PHF24: variants seen among roughly 807,000 people sequenced by gnomAD.
PHF24 encodes the protein Galpha inhibitory interacting protein.
Under a neutral mutation model 42.6 loss-of-function variants are expected in PHF24, and 25 were observed. The observed-to-expected ratio is 0.59, with a 90% CI of 0.43 to 0.82. PHF24 has a LOEUF of 0.82. Among genes scored for constraint, PHF24 ranks in the 40% least tolerant of loss-of-function variants. The pLI is 0.00. For missense variants in PHF24, 470 were observed against 538.1 expected (o/e 0.87, Z 1.25); for synonymous variants, 185 against 204.8 (o/e 0.90, Z 0.83).
chr9:34,893,228 C>A, the PHF24 span: 1 of 453,462 alleles, frequency 2.2e-6, no homozygotes, highest in Non-Finnish European at 3.9e-6. Context: ...CCGGGGTTGG[C>A]ATTGTCCTTT....
the PHF24 span, among the ~76,000 whole-genome samples, chr9:34,831,841 C>G: frequency 4.6e-5 from 7 of 152,068 alleles, no homozygotes; most frequent in Non-Finnish European, 1.0e-4. Context: ...ACAGCAGGCT[C>G]CAAGATGGAT....
At chr9:34,684,555 A>G in the PHF24 span, among the ~76,000 whole-genome samples, 1 of 152,156 alleles carries the variant, frequency 6.6e-6, no homozygotes, top group South Asian at 2.1e-4. Flanking sequence ...CTTGACATTA[A>G]TGGGTGTCCT....
At chr9:34,769,190 C>T in the PHF24 span, among the ~76,000 whole-genome samples, 4 of 152,192 alleles carry the variant, frequency 2.6e-5, no homozygotes, top group African/African-American at 9.7e-5. Flanking sequence ...AGTCTTGGCT[C>T]ACTGCAACTT....
chr9:34,919,000 C>A, the PHF24 span, among the ~76,000 whole-genome samples: 2 of 152,120 alleles, frequency 1.3e-5, no homozygotes, highest in Non-Finnish European at 2.9e-5. Context: ...AGTTTTCAAA[C>A]ATTTCACAAA....
the PHF24 span, among the ~76,000 whole-genome samples, chr9:34,949,314 GT>G: frequency 5.9e-5 from 9 of 152,116 alleles, no homozygotes; most frequent in African/African-American, 2.2e-4. Flanking sequence ...TCTCACGCCA[GT>G]TAGATTGGTG....
the PHF24 span, among the ~76,000 whole-genome samples, chr9:34,692,337 T>C: frequency 1.3e-5 from 2 of 152,194 alleles, no homozygotes; most frequent in Non-Finnish European, 2.9e-5. Flanking sequence ...TGCTTAACTT[T>C]CCCAAAACAA....
At chr9:34,917,868 T>G in the PHF24 span, 2 of 1,547,316 alleles carry the variant, frequency 1.3e-6, no homozygotes, top group Non-Finnish European at 1.8e-6. Flanking sequence ...GTGTGAAGAC[T>G]TTGGAGTGAT....
the PHF24 span, among the ~76,000 whole-genome samples, chr9:34,871,890 T>C: frequency 1.3e-5 from 2 of 152,208 alleles, no homozygotes; most frequent in Admixed American, 6.5e-5. Context: ...ATCTAAACTT[T>C]AGAAGCAATT....
chr9:34,728,949 T>A, the PHF24 span, among the ~76,000 whole-genome samples: 6 of 152,086 alleles, frequency 3.9e-5, no homozygotes, highest in Non-Finnish European at 7.4e-5. Context: ...GACAAAAGGG[T>A]AAATGGTTCT....
chr9:34,833,077 C>T, the PHF24 span: 1 of 1,519,236 alleles, frequency 6.6e-7, no homozygotes, highest in Non-Finnish European at 8.8e-7. Flanking sequence ...CAGGGCGTCT[C>T]TCTTCTCTGG....
At chr9:34,723,452 C>T in the PHF24 span, 1 of 1,551,810 alleles carries the variant, frequency 6.4e-7, no homozygotes, top group Non-Finnish European at 8.7e-7. Context: ...CGTCTTACTT[C>T]TCCCCACAGG....
chr9:34,937,034 GC>G, the PHF24 span, among the ~76,000 whole-genome samples: 10,362 of 134,552 alleles, frequency 0.077, 954 homozygotes, highest in African/African-American at 0.18. Flanking sequence ...GGGGGGGTCA[GC>G]CCCCCCCCCG....
chr9:34,784,375 T>C, the PHF24 span, among the ~76,000 whole-genome samples: 2 of 152,208 alleles, frequency 1.3e-5, no homozygotes, highest in African/African-American at 4.8e-5. Flanking sequence ...AGAATTTGCA[T>C]AATATATCTG....
the PHF24 span, among the ~76,000 whole-genome samples, chr9:34,761,738 C>A: frequency 5.5e-3 from 829 of 152,082 alleles, 3 homozygotes; most frequent in African/African-American, 0.019. Flanking sequence ...GGTACATGTG[C>A]ACAATGTGCA....
the PHF24 span, among the ~76,000 whole-genome samples, chr9:34,764,149 C>G: frequency 6.6e-6 from 1 of 150,500 alleles, no homozygotes; most frequent in Non-Finnish European, 1.5e-5. Flanking sequence ...GGATATTGAT[C>G]TAAAATTCTC....
At chr9:34,731,924 C>T in the PHF24 span, among the ~76,000 whole-genome samples, 1 of 152,062 alleles carries the variant, frequency 6.6e-6, no homozygotes, top group South Asian at 2.1e-4. Context: ...GATCATGGCT[C>T]ACTGGAGCCT....
At chr9:34,972,980 T>C (rs1827057725) in intron 3 of PHF24, among the ~76,000 whole-genome samples, 1 of 152,014 alleles carries the variant, frequency 6.6e-6, no homozygotes, top group East Asian at 1.9e-4. Context: ...GGATGGGGTT[T>C]CTCAACCTCA....
At chr9:34,799,235 T>C in the PHF24 span, among the ~76,000 whole-genome samples, 1 of 152,292 alleles carries the variant, frequency 6.6e-6, no homozygotes, top group East Asian at 1.9e-4. Context: ...ATAGGAATAT[T>C]CTGGGCACTT....
upstream of PHF24, among the ~76,000 whole-genome samples, chr9:34,953,528 C>T (rs1826306043): frequency 6.6e-6 from 1 of 152,148 alleles, no homozygotes; most frequent in South Asian, 2.1e-4. This position sits in a 1 kb window ranked among gnomAD's most constrained non-coding sequence, Gnocchi z 4.1. Flanking sequence ...GGGATTGTTG[C>T]AGTGAAGATA....
Sources: allele counts gnomAD v4.1 joint callset (sites outside exome capture counted in the v4.1 genomes callset), GRCh38; gene constraint gnomAD v4.1.1; non-coding constraint Gnocchi (gnomAD v3.1); transcripts MANE v1.5; gene names NCBI Gene and HGNC (gene_info 2026-07-23, HGNC 2026-07-21).